Variants in GMPS observed in about 807,000 individuals in gnomAD.
GMPS encodes the protein guanosine monophosphate synthase, also known as GMP synthase [glutamine-hydrolyzing].
A neutral mutation model predicts 77.9 loss-of-function variants in GMPS; 15 were observed. The ratio of observed to expected loss-of-function variants is 0.19; its 90% CI spans 0.13 to 0.30. The LOEUF (loss-of-function observed/expected upper bound fraction) is 0.30. GMPS is among the 10% of genes least tolerant of loss of function. The pLI is 1.00. For synonymous variants in GMPS, 224 were observed against 275.9 expected, an observed-to-expected ratio of 0.81 and a Z score of 1.86; for missense variants, 590 against 838.8, an observed-to-expected ratio of 0.70 and a Z score of 3.66.
chr3:155,908,378 C>G (rs1425967463), intron 5 of GMPS, among the ~76,000 whole-genome samples: 1 of 152,234 alleles, frequency 6.6e-6, no homozygotes, highest in Non-Finnish European at 1.5e-5. Context: ...AGGAAGCCTT[C>G]TCACTTTGCT....
At chr3:155,883,391 GA>G (rs1276139333) in intron 1 of GMPS, among the ~76,000 whole-genome samples, 2 of 151,436 alleles carry the variant, frequency 1.3e-5, no homozygotes, top group African/African-American at 4.8e-5. Context: ...ATTTCTTAAG[GA>G]AAAAAAATGT....
At chr3:155,885,535 A>G (rs547399262) in intron 1 of GMPS, among the ~76,000 whole-genome samples, 3 of 152,122 alleles carry the variant, frequency 2.0e-5, no homozygotes, top group Non-Finnish European at 4.4e-5. Context: ...TGACTTCCAG[A>G]TTTTTCTCAG....
intron 13 of GMPS, among the ~76,000 whole-genome samples, chr3:155,933,723 A>G (rs985330740): frequency 2.0e-5 from 3 of 152,194 alleles, no homozygotes; most frequent in African/African-American, 7.2e-5. Flanking sequence ...TTTCTTTGCT[A>G]AAAACAGGAC....
intron 5 of GMPS, 43 bp downstream of exon 5, chr3:155,906,306 T>C: frequency 1.7e-6 from 2 of 1,146,916 alleles, no homozygotes; most frequent in Non-Finnish European, 2.6e-6. Flanking sequence ...TAAAAAACTT[T>C]ATCTGAAGAG....
chr3:155,925,435 C>CAAGA, intron 12 of GMPS, 69 bp downstream of exon 12: 2 of 1,308,026 alleles, frequency 1.5e-6, no homozygotes, highest in Non-Finnish European at 2.1e-6. Flanking sequence ...GACGGAGTCT[C>CAAGA]ACTGTGTTGC....
rs376876444 is a variant in GMPS, at chr3:155,903,898, A to G, written c.360A>G (p.Lys120=). 3.8e-6 allele frequency: 6 copies of G among 1,559,404 alleles called. No homozygotes were observed. Among genetic ancestry groups the G allele is most frequent in the Non-Finnish European group, 5.3e-6 (6 of 1,142,670 alleles). ...AGGTATTTGGAGGTACTGTGCACAAAAAAAGTGTCAGAGAAGATGGAGTTT... is the reference window on the plus strand; with the variant it reads ...AGGTATTTGGAGGTACTGTGCACAAGAAAAGTGTCAGAGAAGATGGAGTTT... ...MNKVFGGTVH[K]KSVREDGVFN... is the part of the protein sequence containing the mutation. The change falls in exon 4 of 16, where the codon AAA becomes AAG. Residue 120 remains lysine (K), a synonymous_variant. Transcript: ENST00000496455.
At chr3:155,876,200 C>T (rs1016916405) in intron 1 of GMPS, among the ~76,000 whole-genome samples, 2 of 152,210 alleles carry the variant, frequency 1.3e-5, no homozygotes, top group African/African-American at 2.4e-5. Context: ...ATAATGGCCT[C>T]GAGGCTCCTG....
Position 155,870,778 on chromosome 3 carries a change from C to A in GMPS, c.-93C>A, listed in dbSNP as rs912779184. The A allele has an allele frequency of 7.0e-6, 6 of 858,694 alleles. No homozygotes were observed. Among genetic ancestry groups the A allele is most frequent in the Non-Finnish European group, 1.1e-5 (6 of 549,296 alleles). The allele number at this position is 858,694 out of a possible 1,614,324, so 53.2% of individuals were successfully genotyped here. A position where few individuals can be genotyped will look rare whatever the true frequency, so the allele number is the denominator to read the frequency against. ...GGCTGCTCCTCGACCAGGCCTCCTT[C>A]TCAACCTCAGCCCGCGGCGCCGACC... On this transcript the variant is annotated 5_prime_UTR_variant, in exon 1 of 16. Coordinates refer to ENST00000496455, the MANE Select transcript of GMPS (RefSeq NM_003875.3).
chr3:155,906,592 C>T (rs1754889339), intron 5 of GMPS, among the ~76,000 whole-genome samples: 1 of 152,148 alleles, frequency 6.6e-6, no homozygotes, highest in Non-Finnish European at 1.5e-5. Flanking sequence ...TCATACTATA[C>T]TATATTCAGA....
intron 11 of GMPS, among the ~76,000 whole-genome samples, chr3:155,924,325 G>T (rs1475355416): frequency 1.3e-5 from 2 of 152,208 alleles, no homozygotes; most frequent in South Asian, 2.1e-4. Context: ...TGATAAAAAT[G>T]ATTATAAAAT....
At chr3:155,925,183 A>G in intron 11 of GMPS, 58 bp from the exon 12 acceptor site, 1 of 1,486,866 alleles carries the variant, frequency 6.7e-7, no homozygotes, top group Non-Finnish European at 9.2e-7. Flanking sequence ...AGTAGATAAT[A>G]AAAGAGTGAA....
chr3:155,929,156 G>C (rs1755536241), intron 12 of GMPS, among the ~76,000 whole-genome samples: 1 of 151,518 alleles, frequency 6.6e-6, no homozygotes, highest in Admixed American at 6.6e-5. Flanking sequence ...CCCACCAACA[G>C]TGTAAAAGTG....
chr3:155,920,848 A>G (rs1303323169), intron 10 of GMPS, among the ~76,000 whole-genome samples: 2 of 152,214 alleles, frequency 1.3e-5, no homozygotes, highest in Non-Finnish European at 2.9e-5. Context: ...GCCTATAACT[A>G]GGCATCTCAA....
chr3:155,916,114 C>T lies in GMPS; in HGVS notation c.1134C>T (p.Ser378=), dbSNP rs1468638996. 5.0e-6 allele frequency: 8 copies of T among 1,612,780 alleles called. No homozygotes were observed. Among genetic ancestry groups the T allele is most frequent in the South Asian group, 1.1e-5 (1 of 91,064 alleles). Residue 378 remains serine, a synonymous_variant, in exon 9 of 16, where the codon TCC becomes TCT. Transcript: ENST00000496455. The part of the protein sequence containing the change: ...TLRPDLIESA[S]LVASGKAELI... ...GGCCTGATCTAATTGAAAGTGCATC[C>T]CTTGTTGCAAGTGGCAAAGCTGAAC... is the stretch of plus-strand genomic sequence containing the variant.
At chr3:155,917,448 T>C (rs1755210404) in intron 9 of GMPS, among the ~76,000 whole-genome samples, 1 of 152,266 alleles carries the variant, frequency 6.6e-6, no homozygotes, top group Non-Finnish European at 1.5e-5. Flanking sequence ...TTTCTGTTTC[T>C]ATGTTTCACT....
chr3:155,931,628 A>G, intron 12 of GMPS, 137 bp from the exon 13 acceptor site: 1 of 489,092 alleles, frequency 2.0e-6, no homozygotes, highest in Non-Finnish European at 3.6e-6. Context: ...CCAAAAATCC[A>G]TTAATAATGT....
At chr3:155,910,297 A>G (rs1755003897) in intron 5 of GMPS, among the ~76,000 whole-genome samples, 1 of 151,916 alleles carries the variant, frequency 6.6e-6, no homozygotes, top group Non-Finnish European at 1.5e-5. Flanking sequence ...GGCTGGGAGC[A>G]GTGGCTCATG....
intron 12 of GMPS, among the ~76,000 whole-genome samples, chr3:155,927,216 G>T (rs1755478855): frequency 6.6e-6 from 1 of 152,068 alleles, no homozygotes; most frequent in Admixed American, 6.6e-5. Context: ...GTGGTTTATG[G>T]ATTATCTCAT....
chr3:155,914,145 A>G (rs1054572488), intron 7 of GMPS, among the ~76,000 whole-genome samples: 1 of 150,946 alleles, frequency 6.6e-6, no homozygotes, highest in Non-Finnish European at 1.5e-5. Flanking sequence ...ATGGGATTTC[A>G]CCATGTTAGC....
Sources: gnomAD v4.1 joint callset for allele counts (sites outside exome capture counted in the v4.1 genomes callset) on GRCh38, gnomAD v4.1.1 for gene constraint, MANE v1.5 for transcripts, NCBI Gene and HGNC (gene_info 2026-07-23, HGNC 2026-07-21) for gene names.